FOLH1: variants seen among roughly 807,000 people sequenced by gnomAD.
The protein encoded by FOLH1 is glutamate carboxypeptidase 2.
Under a neutral mutation model 93.9 loss-of-function variants are expected in FOLH1, and 54 were observed. That is an observed-to-expected ratio of 0.57 (90% CI 0.46 to 0.72). The LOEUF is 0.72. FOLH1 is among the 30% of genes least tolerant of loss of function. The pLI, the probability that FOLH1 is intolerant of heterozygous loss-of-function variation, is 0.00. For missense variants in FOLH1, 571 were observed against 892.5 expected (o/e 0.64, Z 4.59); for synonymous variants, 249 against 303.6 (o/e 0.82, Z 1.87).
chr11:49,165,309 C>A (rs1283486242), intron 12 of FOLH1, among the ~76,000 whole-genome samples: 1 of 152,212 alleles, frequency 6.6e-6, no homozygotes, highest in Non-Finnish European at 1.5e-5. Flanking sequence ...AAGGTGCACT[C>A]TCTTGTTTGC....
chr11:49,204,111 C>T (rs567457316), intron 2 of FOLH1, among the ~76,000 whole-genome samples: 12 of 152,268 alleles, frequency 7.9e-5, no homozygotes, highest in African/African-American at 2.9e-4. Flanking sequence ...TGCGGGTGCT[C>T]TTTTCCCAAG....
intron 12 of FOLH1, among the ~76,000 whole-genome samples, chr11:49,166,207 A>G (rs1858387440): frequency 6.6e-6 from 1 of 152,210 alleles, no homozygotes; most frequent in Admixed American, 6.5e-5. Context: ...TGAATGAAAA[A>G]GGCAAGTTGT....
intron 13 of FOLH1, among the ~76,000 whole-genome samples, chr11:49,159,860 A>G (rs1215402125): frequency 6.6e-6 from 1 of 151,582 alleles, no homozygotes; most frequent in Admixed American, 6.6e-5. Context: ...AGCCTTCAGA[A>G]GGTGTATGTT....
intron 3 of FOLH1, among the ~76,000 whole-genome samples, chr11:49,197,190 G>A (rs1420384416): frequency 6.6e-6 from 1 of 152,138 alleles, no homozygotes. Flanking sequence ...TTTCAGGCAA[G>A]GGAATATTCA....
At chr11:49,157,536 A>T (rs1333824148) in intron 14 of FOLH1, among the ~76,000 whole-genome samples, 2 of 151,998 alleles carry the variant, frequency 1.3e-5, no homozygotes. Flanking sequence ...TTAAGCACCT[A>T]CATGACACTG....
At chr11:49,167,723 A>G (rs1269826410) in intron 12 of FOLH1, among the ~76,000 whole-genome samples, 1 of 152,084 alleles carries the variant, frequency 6.6e-6, no homozygotes, top group Non-Finnish European at 1.5e-5. Flanking sequence ...CTGAGGTTGG[A>G]GGATCACTTG....
At chr11:49,198,067 GTATTAT>G (rs1862818900) in intron 3 of FOLH1, among the ~76,000 whole-genome samples, 1 of 151,844 alleles carries the variant, frequency 6.6e-6, no homozygotes, top group Admixed American at 6.6e-5. Flanking sequence ...GATTCATTTT[GTATTAT>G]GTAACAGGCT....
intron 17 of FOLH1, among the ~76,000 whole-genome samples, chr11:49,152,167 T>C (rs1365577322): frequency 1.3e-5 from 2 of 152,142 alleles, no homozygotes; most frequent in African/African-American, 4.8e-5. Flanking sequence ...TCAAATTTTT[T>C]AGTAATTTCT....
At chr11:49,185,486 C>T in intron 6 of FOLH1, 183 bp downstream of exon 6, 1 of 755,574 alleles carries the variant, frequency 1.3e-6, no homozygotes, top group South Asian at 2.1e-5. Context: ...CCACCAGGCC[C>T]AAGTTTCAAA....
At chr11:49,191,080 C>G (rs569013359) in intron 4 of FOLH1, among the ~76,000 whole-genome samples, 25 of 152,196 alleles carry the variant, frequency 1.6e-4, no homozygotes, top group African/African-American at 5.3e-4. Flanking sequence ...GGCGCGATCT[C>G]GGCTCACTGC....
chr11:49,183,204 G>A lies in FOLH1; in HGVS notation c.865C>T (p.Leu289Phe), dbSNP rs758094309. The A allele has an allele frequency of 6.8e-6, 11 of 1,612,482 alleles. No homozygotes were observed. Among genetic ancestry groups the A allele is most frequent in the Non-Finnish European group, 9.3e-6 (11 of 1,179,268 alleles). The change falls in exon 7 of 19, where the codon CTT becomes TTT. Residue 289 changes from leucine to phenylalanine, a missense_variant. Leu to Phe is a conservative substitution (Grantham distance 22). Around this residue, in one of 2 missense-constraint regions of FOLH1, gnomAD observed 500 missense variants for 822.9 expected, o/e 0.61. Transcript: ENST00000256999. ...ATTGGATGAACAGGAATACTTGGAA[G>A]ACCAACAGCCTCTGCAATTCCACGC... Reference protein sequence around the residue: ...YRRGIAEAVGLPSIPVHPIGY... With the variant: ...YRRGIAEAVGFPSIPVHPIGY...
In FOLH1 at chr11:49,185,392, C is replaced by A. The variant is rs537902180; in HGVS notation, c.826+277G>T. 5.3e-5 allele frequency among the ~76,000 whole-genome samples: 8 copies of A among 152,230 alleles called. No homozygotes were observed. In the South Asian group the frequency reaches 8.3e-4, roughly 16 times the overall value. On this transcript the variant is annotated intron_variant, in intron 6 of 18. Coordinates refer to ENST00000256999, the MANE Select transcript of FOLH1 (RefSeq NM_004476.3). ...TTTTCCCCATATTCTGTCCCAGCCC[C>A]CTATGTCACTGTTATGCAAGTTATG...
At position 49,154,291 on chromosome 11, in the gene FOLH1, C is replaced by T; in HGVS notation, c.1825G>A (p.Asp609Asn). ...DYAVVLRKYA[D>N]KIYSISMKHP... is the part of the protein sequence containing the mutation. ...TTCATAGAAATACTGTAGATTTTGT[C>T]AGCATACTTTCTTAAAACTACAGCA... Residue 609 changes from aspartate (D) to asparagine (N), a missense_variant, in exon 16 of 19, where the codon GAC becomes AAC. Asp to Asn is a conservative substitution (Grantham distance 23). Transcript: ENST00000256999. The T allele has an allele frequency of 1.9e-6, 3 of 1,613,408 alleles. No individual in the cohort carries two copies. In the South Asian group the frequency reaches 3.3e-5, roughly 18 times the overall value.
chr11:49,176,091 G>A (rs894774165), intron 7 of FOLH1, 134 bp from the exon 8 acceptor site: 14 of 810,128 alleles, frequency 1.7e-5, no homozygotes, highest in Admixed American at 2.7e-5. Flanking sequence ...AATATAATAC[G>A]TCATTTAAAC....
chr11:49,190,198 G>A (rs993765323), intron 4 of FOLH1, among the ~76,000 whole-genome samples: 1 of 152,086 alleles, frequency 6.6e-6, no homozygotes, highest in Admixed American at 6.5e-5. Context: ...GTCTCTAAAT[G>A]TGGCTGTCTT....
At chr11:49,162,206 T>C (rs537314393) in intron 13 of FOLH1, among the ~76,000 whole-genome samples, 42 of 152,296 alleles carry the variant, frequency 2.8e-4, no homozygotes, top group African/African-American at 1.0e-3. Flanking sequence ...ATGGATTATA[T>C]CCTGGAATAT....
intron 2 of FOLH1, among the ~76,000 whole-genome samples, chr11:49,202,401 T>C (rs959728076): frequency 2.0e-5 from 3 of 152,154 alleles, no homozygotes; most frequent in African/African-American, 7.2e-5. Context: ...ATTGTCACAT[T>C]ATCTCTTTTT....
intron 17 of FOLH1, among the ~76,000 whole-genome samples, chr11:49,150,932 C>T (rs924285239): frequency 1.4e-4 from 22 of 152,118 alleles, no homozygotes; most frequent in African/African-American, 5.1e-4. Flanking sequence ...GTGATCATTT[C>T]CTATGTGCCA....
intron 13 of FOLH1, among the ~76,000 whole-genome samples, chr11:49,161,416 T>TAA (rs1384946263): frequency 6.6e-6 from 1 of 152,216 alleles, no homozygotes; most frequent in Non-Finnish European, 1.5e-5. Flanking sequence ...TTTGTTGGTT[T>TAA]AAAGTCTGTT....
Sources: allele counts gnomAD v4.1 joint callset (sites outside exome capture counted in the v4.1 genomes callset), GRCh38; gene constraint gnomAD v4.1.1; regional missense constraint gnomAD v4.1.1; transcripts MANE v1.5; gene names NCBI Gene and HGNC (gene_info 2026-07-23, HGNC 2026-07-21).